Variants in RAB27B observed in about 807,000 individuals in gnomAD.
The protein encoded by RAB27B is RAB27B, member RAS oncogene family.
In RAB27B, 15 loss-of-function variants were observed where a neutral mutation model predicts 24.6. The ratio of observed to expected loss-of-function variants is 0.61; its 90% CI spans 0.41 to 0.94. RAB27B has a LOEUF of 0.94. Ranked by LOEUF, RAB27B falls within the 40% of genes least tolerant of loss-of-function variation. RAB27B has a pLI of 0.00. For synonymous variants in RAB27B, 105 were observed against 92.5 expected (o/e 1.14, Z -0.78); for missense variants, 261 against 266.8 (o/e 0.98, Z 0.15).
At chr18:54,723,780 T>C (rs1321035790) in intron 2 of RAB27B, among the ~76,000 whole-genome samples, 2 of 152,216 alleles carry the variant, frequency 1.3e-5, no homozygotes, top group Non-Finnish European at 2.9e-5. Flanking sequence ...TTTAATTCAG[T>C]CAATTGAGTA....
intron 2 of RAB27B, among the ~76,000 whole-genome samples, chr18:54,778,034 A>C (rs374584517): frequency 1.3e-5 from 2 of 152,206 alleles, no homozygotes; most frequent in African/African-American, 4.8e-5. Flanking sequence ...ACAAGGAACA[A>C]TTTACAGCTT....
intron 2 of RAB27B, among the ~76,000 whole-genome samples, chr18:54,784,680 A>G (rs1909025237): frequency 6.6e-6 from 1 of 152,086 alleles, no homozygotes; most frequent in Admixed American, 6.6e-5. Context: ...ATTCCATGGT[A>G]TATACATATC....
intron 1 of RAB27B, among the ~76,000 whole-genome samples, chr18:54,835,581 T>C (rs973788691): frequency 4.0e-5 from 6 of 151,882 alleles, no homozygotes; most frequent in African/African-American, 1.5e-4. Flanking sequence ...AGGAAAAAAT[T>C]GCTGTAACGA....
At chr18:54,871,574 ATAT>A (rs530073488) in intron 1 of RAB27B, among the ~76,000 whole-genome samples, 23 of 152,334 alleles carry the variant, frequency 1.5e-4, no homozygotes, top group African/African-American at 4.8e-4. Flanking sequence ...TATCTGCCTA[ATAT>A]TTTGAGCTTT....
chr18:54,754,664 C>T (rs905424104), intron 2 of RAB27B, among the ~76,000 whole-genome samples: 1 of 152,098 alleles, frequency 6.6e-6, no homozygotes, highest in African/African-American at 2.4e-5. Context: ...TGTAGGTGGG[C>T]TGACAGCATG....
At chr18:54,873,601 C>T (rs1912564304) in intron 1 of RAB27B, among the ~76,000 whole-genome samples, 1 of 150,756 alleles carries the variant, frequency 6.6e-6, no homozygotes, top group Non-Finnish European at 1.5e-5. Flanking sequence ...GCCATGCCAA[C>T]AACCAACAAT....
intron 2 of RAB27B, among the ~76,000 whole-genome samples, chr18:54,760,693 G>T (rs1908158687): frequency 6.6e-6 from 1 of 152,030 alleles, no homozygotes; most frequent in Non-Finnish European, 1.5e-5. Flanking sequence ...CAGAGAAGAG[G>T]TGAGATTCAA....
chr18:54,844,278 A>C (rs890421850), intron 1 of RAB27B, among the ~76,000 whole-genome samples: 3 of 152,120 alleles, frequency 2.0e-5, no homozygotes, highest in African/African-American at 7.2e-5. Context: ...AAGATCTGTG[A>C]GGGTTAAAGT....
chr18:54,862,122 C>A (rs1419789292), intron 1 of RAB27B, among the ~76,000 whole-genome samples: 3 of 151,244 alleles, frequency 2.0e-5, no homozygotes, highest in Non-Finnish European at 4.4e-5. Context: ...AGAAGACAAG[C>A]AGAAAAATTT....
At chr18:54,884,510 A>G in intron 4 of RAB27B, 74 bp downstream of exon 4, 1 of 936,672 alleles carries the variant, frequency 1.1e-6, no homozygotes. Flanking sequence ...GTCTTGCAAG[A>G]TGAAACCAGA....
intron 2 of RAB27B, among the ~76,000 whole-genome samples, chr18:54,732,160 T>G (rs1029634399): frequency 6.6e-6 from 1 of 152,204 alleles, no homozygotes; most frequent in Non-Finnish European, 1.5e-5. Context: ...AAGTTATCTA[T>G]CTAAAGAACA....
At chr18:54,791,874 G>T (rs1179029544) in intron 2 of RAB27B, among the ~76,000 whole-genome samples, 1 of 152,198 alleles carries the variant, frequency 6.6e-6, no homozygotes, top group East Asian at 1.9e-4. Flanking sequence ...CCCGCGGGAC[G>T]AGGTGGAGTT....
intron 2 of RAB27B, among the ~76,000 whole-genome samples, chr18:54,740,045 T>G (rs1313151005): frequency 6.6e-6 from 1 of 152,210 alleles, no homozygotes; most frequent in Non-Finnish European, 1.5e-5. Context: ...GCAGCTTGCC[T>G]CTTTATTTTC....
chr18:54,773,682 T>C (rs960992868), intron 2 of RAB27B, among the ~76,000 whole-genome samples: 3 of 151,818 alleles, frequency 2.0e-5, no homozygotes, highest in African/African-American at 7.3e-5. Flanking sequence ...TTCTTTTTTT[T>C]TTTTTTCTTT....
intron 2 of RAB27B, among the ~76,000 whole-genome samples, chr18:54,766,827 G>A (rs1908377648): frequency 6.6e-6 from 1 of 152,182 alleles, no homozygotes; most frequent in African/African-American, 2.4e-5. Context: ...CTGAAGTGAG[G>A]AAACAATGGC....
At chr18:54,797,308 CT>C (rs1471691786) in intron 2 of RAB27B, among the ~76,000 whole-genome samples, 2 of 152,094 alleles carry the variant, frequency 1.3e-5, no homozygotes, top group Non-Finnish European at 2.9e-5. Flanking sequence ...GGTGGCTCAC[CT>C]GAGGTTAGGA....
chr18:54,849,531 C>T (rs1911471926), intron 1 of RAB27B, among the ~76,000 whole-genome samples: 1 of 152,102 alleles, frequency 6.6e-6, no homozygotes, highest in Non-Finnish European at 1.5e-5. Flanking sequence ...CCAGCCTGCC[C>T]AACTTCGTGA....
intron 2 of RAB27B, among the ~76,000 whole-genome samples, chr18:54,741,637 G>C (rs1438045480): frequency 1.3e-5 from 2 of 152,056 alleles, no homozygotes; most frequent in African/African-American, 2.4e-5. Flanking sequence ...GGGATTACAG[G>C]CATGCACCAC....
intron 2 of RAB27B, 33 bp downstream of exon 2, chr18:54,877,771 C>T (rs1598987577): frequency 3.9e-6 from 6 of 1,535,152 alleles, no homozygotes; most frequent in Non-Finnish European, 5.2e-6. Context: ...AACCTTGTCA[C>T]TCATCCCCCT....
Sources: gnomAD v4.1 joint callset for allele counts (sites outside exome capture counted in the v4.1 genomes callset) on GRCh38, gnomAD v4.1.1 for gene constraint, MANE v1.5 for transcripts, NCBI Gene and HGNC (gene_info 2026-07-23, HGNC 2026-07-21) for gene names.